RPGRIP1L: variants seen among roughly 807,000 people sequenced by gnomAD.
RPGRIP1L encodes the protein RPGRIP1 like.
Under a neutral mutation model 160.4 loss-of-function variants are expected in RPGRIP1L, and 131 were observed. The observed-to-expected ratio is 0.82, with a 90% CI of 0.71 to 0.94. The LOEUF (loss-of-function observed/expected upper bound fraction) is 0.94. Among genes scored for constraint, RPGRIP1L ranks in the 40% least tolerant of loss-of-function variants. The pLI, the probability that RPGRIP1L is intolerant of heterozygous loss-of-function variation, is 0.00. For synonymous variants in RPGRIP1L, 510 were observed against 515.8 expected, an observed-to-expected ratio of 0.99 and a Z score of 0.15; for missense variants, 1,522 against 1,535.8, an observed-to-expected ratio of 0.99 and a Z score of 0.15.
intron 12 of RPGRIP1L, 139 bp downstream of exon 12, chr16:53,658,275 A>G: frequency 1.4e-6 from 1 of 734,348 alleles, no homozygotes; most frequent in Non-Finnish European, 2.5e-6. Context: ...TTACATACAT[A>G]TTTGTAAAGG....
chr16:53,637,326 TA>T (rs1039720182), intron 21 of RPGRIP1L, among the ~76,000 whole-genome samples: 1 of 152,188 alleles, frequency 6.6e-6, no homozygotes, highest in Non-Finnish European at 1.5e-5. Context: ...TACCAGATTT[TA>T]AAAAATACAG....
intron 22 of RPGRIP1L, among the ~76,000 whole-genome samples, chr16:53,635,103 A>T: frequency 6.6e-6 from 1 of 152,338 alleles, no homozygotes; most frequent in South Asian, 2.1e-4. Flanking sequence ...GTTTATTAGA[A>T]AGAAAAAATA....
chr16:53,662,950 G>C (rs569989049), intron 10 of RPGRIP1L, among the ~76,000 whole-genome samples: 1 of 151,980 alleles, frequency 6.6e-6, no homozygotes, highest in Non-Finnish European at 1.5e-5. Flanking sequence ...TACACACACT[G>C]GAAAACTGTA....
At chr16:53,695,325 C>G (rs1970674333) in intron 3 of RPGRIP1L, 2 of 702,488 alleles carry the variant, frequency 2.8e-6, no homozygotes, top group Middle Eastern at 2.3e-4. Flanking sequence ...AGTAAAAGGC[C>G]TGCACATAGC....
rs1963400312 is a variant in RPGRIP1L at position 53,602,023 on chromosome 16, C to T, written c.*53G>A. The stretch of plus-strand genomic sequence containing the variant: ...TAATTACAAAAATCTCATGTAGGAA[C>T]TTTCATGTGAGCATTTACTGAGGAG... On this transcript the variant is annotated 3_prime_UTR_variant, in exon 27 of 27. Transcript: ENST00000647211. 3 of 1,061,776 alleles carry T rather than the reference C, an allele frequency of 2.8e-6. No homozygotes were observed. The highest frequency in any genetic ancestry group is 2.9e-6 in the Non-Finnish European group (2 of 685,410). The allele number at this position is 1,061,776 out of a possible 1,614,324, so 65.8% of individuals were successfully genotyped here.
Position 53,700,716 on chromosome 16 carries a change from C to A in RPGRIP1L, c.8G>T (p.Gly3Val). Residue 3 changes from glycine to valine, a missense_variant, in exon 2 of 27, where the codon GGT becomes GTT. Physicochemically the swap from Gly to Val is moderately radical, Grantham distance 109 (BLOSUM62 -3). Transcript: ENST00000647211. Reference sequence around the variant, plus strand: ...GTCTCCTGCAGTCTCATCAGTTGGACCAGACATGGCCTAGCTGTGGAAAAA... The same window carrying A: ...GTCTCCTGCAGTCTCATCAGTTGGAACAGACATGGCCTAGCTGTGGAAAAA... The part of the protein sequence containing the change: MS[G>V]PTDETAGDLP... The A allele has an allele frequency of 6.2e-7, 1 of 1,612,560 alleles. No individual in the cohort carries two copies. The highest frequency in any genetic ancestry group is 8.5e-7 in the Non-Finnish European group (1 of 1,179,068).
rs751212735 is a variant in RPGRIP1L at position 53,636,422 on chromosome 16, G to A, written c.3294+17C>T. On this transcript the variant is annotated intron_variant, in intron 22 of 26. Transcript: ENST00000647211. Reference sequence around the variant, plus strand: ...GCCTTATTTCAGAACATTTCTAGTTGGCATCAAGTTACTGACCTGTTTGAT... The same window carrying A: ...GCCTTATTTCAGAACATTTCTAGTTAGCATCAAGTTACTGACCTGTTTGAT... 1.6e-5 allele frequency: 24 copies of A among 1,543,300 alleles called. No homozygotes were observed. The South Asian group carries it at 2.6e-4, about 16-fold the overall frequency.
chr16:53,647,051 C>G (rs780214871), intron 16 of RPGRIP1L, among the ~76,000 whole-genome samples: 2 of 152,202 alleles, frequency 1.3e-5, no homozygotes, highest in Non-Finnish European at 2.9e-5. Context: ...ACAACTTATT[C>G]AAGTCAGAAT....
chr16:53,645,848 A>G lies in RPGRIP1L; in HGVS notation c.2460T>C (p.Phe820=), dbSNP rs778075524. 4 of 1,614,144 alleles carry G rather than the reference A, an allele frequency of 2.5e-6. No individual in the cohort carries two copies. The highest frequency in any genetic ancestry group is 3.4e-6 in the Non-Finnish European group (4 of 1,180,008). Residue 820 remains phenylalanine (F), a synonymous_variant, in exon 17 of 27, where the codon TTT becomes TTC. Transcript: ENST00000647211. ...QPHPYVVYKF[F]DFADHDTAII... Reference sequence around the variant, plus strand: ...TAGCTGTATCATGGTCTGCAAAATCAAAAAACTTGTACACAACATATGGGT... The same window carrying G: ...TAGCTGTATCATGGTCTGCAAAATCGAAAAACTTGTACACAACATATGGGT...
chr16:53,693,646 C>T (rs1222138758), intron 3 of RPGRIP1L: 1 of 152,166 alleles, frequency 6.6e-6, no homozygotes, highest in Non-Finnish European at 1.5e-5. Context: ...ACCACAAACA[C>T]TCTAGTAAAA....
chr16:53,701,333 C>T (rs1971376666), intron 1 of RPGRIP1L, among the ~76,000 whole-genome samples: 1 of 151,846 alleles, frequency 6.6e-6, no homozygotes, highest in African/African-American at 2.4e-5. Flanking sequence ...AATTTACCAA[C>T]TGGGTTTGTG....
At chr16:53,672,741 C>A (rs1968844649) in intron 8 of RPGRIP1L, 129 bp downstream of exon 8, 2 of 805,654 alleles carry the variant, frequency 2.5e-6, no homozygotes, top group South Asian at 1.6e-5. Flanking sequence ...TTTTGCTGTG[C>A]TCAAAACACC....
rs771129715 is a variant in RPGRIP1L at position 53,645,830 on chromosome 16, ATCATGGTCTG to A, written c.2468_2477del (p.Ala823ValfsTer23). The A allele has an allele frequency of 1.2e-5, 20 of 1,614,092 alleles. No individual in the cohort carries two copies. The highest frequency in any genetic ancestry group is 1.7e-5 in the Non-Finnish European group (20 of 1,180,034). On this transcript the variant is annotated frameshift_variant, in exon 17 of 27. Transcript: ENST00000647211. LOFTEE classifies it high-confidence loss of function. ...CATTGCTACTGGGAATGATAGCTGT[ATCATGGTCTG>A]CAAAATCAAAAAACTTGTACACAAC...
chr16:53,632,588 TC>T (rs963441845), intron 22 of RPGRIP1L, among the ~76,000 whole-genome samples: 1 of 152,100 alleles, frequency 6.6e-6, no homozygotes, highest in Non-Finnish European at 1.5e-5. Context: ...TGATCTTCTA[TC>T]CCCATTCCTT....
chr16:53,652,603 G>A lies in RPGRIP1L; in HGVS notation c.2084C>T (p.Ala695Val), dbSNP rs749960302. ...AATTTCGTGAAATTTTAATTGACATGCTGCAATTGTTTCATATTCTGTGCT... is the reference window on the plus strand; with the variant it reads ...AATTTCGTGAAATTTTAATTGACATACTGCAATTGTTTCATATTCTGTGCT... ...AYSTEYETIA[A>V]CQLKFHEILE... Residue 695 changes from alanine (A) to valine (V), a missense_variant, in exon 15 of 27, where the codon GCA (alanine) becomes GTA (valine). Ala to Val is a moderately conservative substitution (Grantham distance 64). Coordinates refer to ENST00000647211, the MANE Select transcript of RPGRIP1L (RefSeq NM_015272.5). 1.2e-6 allele frequency: 2 copies of A among 1,613,904 alleles called. No homozygotes were observed. The highest frequency in any genetic ancestry group is 1.7e-6 in the Non-Finnish European group (2 of 1,179,858).
chr16:53,686,347 A>G, intron 6 of RPGRIP1L, 86 bp downstream of exon 6: 1 of 1,342,596 alleles, frequency 7.4e-7, no homozygotes, highest in Non-Finnish European at 1.0e-6. Flanking sequence ...TAAATAGACT[A>G]GATAAACTTA....
In RPGRIP1L at chr16:53,606,728, C is replaced by T. The variant is rs574357109; in HGVS notation, c.3702-1114G>A. Among the ~76,000 whole-genome samples the T allele has an allele frequency of 5.3e-4, 80 of 152,222 alleles. 1 individual carries two copies. Among genetic ancestry groups the T allele is most frequent in the South Asian group, 3.5e-3 (17 of 4,816 alleles). ...TCCTGGGTTCAAGCAATTCTCCTGC[C>T]TCAGCCTCCCGAGTAGCTGGGATTA... is the stretch of plus-strand genomic sequence containing the variant. On this transcript the variant is annotated intron_variant, in intron 25 of 26. Transcript: ENST00000647211.
At chr16:53,666,078 C>G (rs929096417) in intron 9 of RPGRIP1L, among the ~76,000 whole-genome samples, 1 of 152,050 alleles carries the variant, frequency 6.6e-6, no homozygotes, top group African/African-American at 2.4e-5. Context: ...TTGTTTTATA[C>G]GATGATGAAG....
At chr16:53,651,546 T>G (rs1966853622) in intron 15 of RPGRIP1L, among the ~76,000 whole-genome samples, 1 of 152,198 alleles carries the variant, frequency 6.6e-6, no homozygotes, top group Admixed American at 6.5e-5. Flanking sequence ...CTGGGCTTAC[T>G]GCTGTTCCTC....
Sources: allele counts gnomAD v4.1 joint callset (sites outside exome capture counted in the v4.1 genomes callset), GRCh38; gene constraint gnomAD v4.1.1; transcripts MANE v1.5; gene names NCBI Gene and HGNC (gene_info 2026-07-23, HGNC 2026-07-21).